The following RAD51B variants were observed in gnomAD, a reference collection of about 807,000 sequenced individuals.
RAD51B encodes the protein DNA repair protein RAD51 homolog 2.
RAD51B carries 38 observed loss-of-function variants against 42.2 expected under a neutral mutation model. That is an observed-to-expected ratio of 0.90 (90% CI 0.70 to 1.18). The LOEUF is 1.18. RAD51B is among the 50% of genes most tolerant of loss of function. The probability of loss-of-function intolerance (pLI) is 0.00; values close to 1 mark genes in which losing one functional copy is unlikely to be tolerated. For synonymous variants in RAD51B, 154 were observed against 145.2 expected (o/e 1.06, Z -0.43); for missense variants, 373 against 400.7 (o/e 0.93, Z 0.59).
At chr14:68,422,606 A>T (rs1369088423) in intron 9 of RAD51B, among the ~76,000 whole-genome samples, 1 of 152,056 alleles carries the variant, frequency 6.6e-6, no homozygotes, top group Non-Finnish European at 1.5e-5. Flanking sequence ...GGAAGCAGAC[A>T]AAAGGTTTAC....
At chr14:68,196,190 CAA>C (rs538516792) in intron 7 of RAD51B, among the ~76,000 whole-genome samples, 45 of 112,206 alleles carry the variant, frequency 4.0e-4, no homozygotes, top group Non-Finnish European at 4.3e-4. Context: ...GACTCCATCT[CAA>C]AAAAAAAAAA....
chr14:68,417,188 G>A (rs1470729275), intron 9 of RAD51B, among the ~76,000 whole-genome samples: 1 of 152,116 alleles, frequency 6.6e-6, no homozygotes, highest in African/African-American at 2.4e-5. Flanking sequence ...TCCCTTGGTG[G>A]CATGGTTCCA....
intron 10 of RAD51B, among the ~76,000 whole-genome samples, chr14:68,523,560 A>C (rs1886727162): frequency 6.6e-6 from 1 of 152,180 alleles, no homozygotes; most frequent in Admixed American, 6.5e-5. Context: ...TTACATCCCT[A>C]ACCCAAACTG....
At chr14:68,601,648 G>A (rs12878761) in intron 10 of RAD51B, among the ~76,000 whole-genome samples, 25,551 of 152,044 alleles carry the variant, frequency 0.17, 2,739 homozygotes, top group Non-Finnish European at 0.24. Context: ...CCATCACTCA[G>A]CTCTGCCGCC....
chr14:67,867,560 C>T (rs2042368794), intron 5 of RAD51B, among the ~76,000 whole-genome samples: 1 of 152,148 alleles, frequency 6.6e-6, no homozygotes, highest in African/African-American at 2.4e-5. Context: ...TGCCTGTAGT[C>T]CTCTTGTAGA....
chr14:68,242,693 G>A (rs768932849), intron 7 of RAD51B, among the ~76,000 whole-genome samples: 3 of 152,102 alleles, frequency 2.0e-5, no homozygotes, highest in Admixed American at 6.5e-5. Flanking sequence ...CCCTTCCTAG[G>A]TGCTAAACGC....
At chr14:67,991,764 G>A (rs1411312921) in intron 7 of RAD51B, among the ~76,000 whole-genome samples, 2 of 152,084 alleles carry the variant, frequency 1.3e-5, no homozygotes, top group East Asian at 3.8e-4. Context: ...CAAAATTATT[G>A]GGTGATATAG....
At chr14:67,944,385 T>G (rs1484796916) in intron 7 of RAD51B, among the ~76,000 whole-genome samples, 1 of 152,144 alleles carries the variant, frequency 6.6e-6, no homozygotes, top group African/African-American at 2.4e-5. Context: ...GTTTGTTTGT[T>G]TTAGCTGTCT....
intron 3 of RAD51B, among the ~76,000 whole-genome samples, chr14:67,827,958 A>G (rs148764319): frequency 6.3e-4 from 96 of 152,328 alleles, no homozygotes; most frequent in African/African-American, 2.1e-3. Context: ...ATATGTGTGC[A>G]TGTATATTTA....
At chr14:68,163,626 C>A (rs1171326030) in intron 7 of RAD51B, among the ~76,000 whole-genome samples, 2 of 152,208 alleles carry the variant, frequency 1.3e-5, no homozygotes, top group East Asian at 3.8e-4. Flanking sequence ...CGCCTGCCTT[C>A]TTCTGTTTCC....
intron 8 of RAD51B, among the ~76,000 whole-genome samples, chr14:68,363,731 C>T (rs766657476): frequency 6.6e-6 from 1 of 152,130 alleles, no homozygotes; most frequent in African/African-American, 2.4e-5. Flanking sequence ...TTTCTCCCGG[C>T]GGGGAGTGGG....
intron 7 of RAD51B, among the ~76,000 whole-genome samples, chr14:67,992,140 G>A (rs1027776793): frequency 6.6e-6 from 1 of 152,040 alleles, no homozygotes; most frequent in Non-Finnish European, 1.5e-5. Flanking sequence ...TCTGATTATC[G>A]CAGTCTGAGA....
At chr14:68,046,603 G>T (rs1444416304) in intron 7 of RAD51B, among the ~76,000 whole-genome samples, 1 of 152,164 alleles carries the variant, frequency 6.6e-6, no homozygotes, top group Non-Finnish European at 1.5e-5. Flanking sequence ...TGGGGATGGT[G>T]GCGCAGCCTA....
rs1296126134 is a variant in RAD51B at position 68,350,349 on chromosome 14, G to A, written c.853+58369G>A. On this transcript the variant is annotated intron_variant, in intron 8 of 10. Coordinates refer to ENST00000471583, the MANE Select transcript of RAD51B (RefSeq NM_133510.4). ...TTTTAATTTATATTCTATCACCATG[G>A]TTGTCAGGAATCACAGTTTTGACTT... 3.3e-5 allele frequency among the ~76,000 whole-genome samples: 5 copies of A among 152,192 alleles called. No individual in the cohort carries two copies. In the South Asian group the frequency reaches 1.0e-3, roughly 32 times the overall value.
At chr14:68,606,957 T>G (rs1431719748) in intron 10 of RAD51B, among the ~76,000 whole-genome samples, 1 of 152,186 alleles carries the variant, frequency 6.6e-6, no homozygotes, top group Non-Finnish European at 1.5e-5. Flanking sequence ...TGTAGAGGCA[T>G]GTTGAAATTA....
In RAD51B at chr14:67,946,242, A is replaced by G. The variant is rs530989268; in HGVS notation, c.756+59038A>G. On this transcript the variant is annotated intron_variant, in intron 7 of 10. Transcript: ENST00000471583. ...TAAATGATTATTTTTGAAAAATGAAATAGAAAGTAATAGGAAAGGGGGAAA... is the reference window on the plus strand; with the variant it reads ...TAAATGATTATTTTTGAAAAATGAAGTAGAAAGTAATAGGAAAGGGGGAAA... Among the ~76,000 whole-genome samples the G allele has an allele frequency of 8.1e-4, 124 of 152,354 alleles. 1 individual carries two copies. The highest frequency in any genetic ancestry group is 2.9e-3 in the African/African-American group (121 of 41,590).
At chr14:67,938,773 C>T (rs903512459) in intron 7 of RAD51B, among the ~76,000 whole-genome samples, 5 of 152,160 alleles carry the variant, frequency 3.3e-5, no homozygotes, top group East Asian at 1.9e-4. Flanking sequence ...CTTGCCCAGA[C>T]GGACTCCTTA....
rs868321970 is a variant in RAD51B, at chr14:68,091,777, T to C, written c.757-200107T>C. Among the ~76,000 whole-genome samples the C allele has an allele frequency of 1.5e-4, 23 of 152,308 alleles. 1 individual carries two copies. In the Middle Eastern group the frequency reaches 0.01, roughly 68 times the overall value. The stretch of plus-strand genomic sequence containing the variant: ...GTTAGACATGAAGTCCTTGCCCATG[T>C]CTGTGTCCTGAATGGTATTGCCTAG... On this transcript the variant is annotated intron_variant, in intron 7 of 10. Transcript: ENST00000471583.
At chr14:68,436,617 G>A (rs2085155255) in intron 9 of RAD51B, among the ~76,000 whole-genome samples, 1 of 152,078 alleles carries the variant, frequency 6.6e-6, no homozygotes, top group African/African-American at 2.4e-5. Flanking sequence ...GCACAGTATG[G>A]CCATTTTAAT....
Sources: allele counts gnomAD v4.1 joint callset (sites outside exome capture counted in the v4.1 genomes callset), GRCh38; gene constraint gnomAD v4.1.1; transcripts MANE v1.5; gene names NCBI Gene and HGNC (gene_info 2026-07-23, HGNC 2026-07-21).